TCF4: variants seen among roughly 807,000 people sequenced by gnomAD.
The protein encoded by TCF4 is transcription factor 4.
A neutral mutation model predicts 82.1 loss-of-function variants in TCF4; 3 were observed. That is an observed-to-expected ratio of 0.04 (90% CI 0.02 to 0.09). The LOEUF (loss-of-function observed/expected upper bound fraction) is 0.09. Among genes scored for constraint, TCF4 ranks in the 10% least tolerant of loss-of-function variants. The probability of loss-of-function intolerance (pLI) is 1.00; values close to 1 mark genes in which losing one functional copy is unlikely to be tolerated. For synonymous variants in TCF4, 276 were observed against 309.6 expected (o/e 0.89, Z 1.14); for missense variants, 518 against 852.7 (o/e 0.61, Z 4.89).
chr18:55,419,370 G>T (rs919575775), intron 5 of TCF4, among the ~76,000 whole-genome samples: 1 of 151,812 alleles, frequency 6.6e-6, no homozygotes, highest in Non-Finnish European at 1.5e-5. Flanking sequence ...AAAGAATGAC[G>T]TTAGAGGTAT....
intron 6 of TCF4, among the ~76,000 whole-genome samples, chr18:55,368,131 A>T (rs1364016172): frequency 6.6e-6 from 1 of 152,234 alleles, no homozygotes; most frequent in African/African-American, 2.4e-5. Context: ...CATGCCTGTA[A>T]TCCCAGCACT....
chr18:55,295,401 ACCTT>A (rs1349164751), intron 8 of TCF4, among the ~76,000 whole-genome samples: 18 of 152,122 alleles, frequency 1.2e-4, no homozygotes, highest in Non-Finnish European at 2.4e-4. Flanking sequence ...CCACTTCTTT[ACCTT>A]CCTTCCACAC....
intron 15 of TCF4, among the ~76,000 whole-genome samples, chr18:55,247,644 G>T (rs1432708793): frequency 2.6e-5 from 4 of 152,184 alleles, no homozygotes; most frequent in Non-Finnish European, 5.9e-5. Flanking sequence ...ACACTAAAAG[G>T]TTCTTGTGGA....
At chr18:55,486,197 G>A (rs948104973) in intron 3 of TCF4, among the ~76,000 whole-genome samples, 8 of 152,188 alleles carry the variant, frequency 5.3e-5, no homozygotes, top group Non-Finnish European at 1.2e-4. Context: ...AAAGTTTTAA[G>A]TTTAAGCTAC....
intron 6 of TCF4, among the ~76,000 whole-genome samples, chr18:55,362,434 G>GAAGGAAGGAAGGAAGGAAGGA (rs1414185890): frequency 2.0e-4 from 24 of 118,106 alleles, no homozygotes; most frequent in African/African-American, 7.2e-4. Flanking sequence ...AGGAAGGAAG[G>GAAGGAAGGAAGGAAGGAAGGA]AAAAAAAAAA....
intron 16 of TCF4, among the ~76,000 whole-genome samples, chr18:55,233,816 CAAAAA>C (rs34564671): frequency 3.2e-5 from 2 of 62,974 alleles, no homozygotes; most frequent in African/African-American, 4.8e-5. Flanking sequence ...GAGGCTCTGT[CAAAAA>C]AAAAAAAAAA....
chr18:55,290,961 T>C (rs867021687), intron 8 of TCF4, among the ~76,000 whole-genome samples: 8 of 152,334 alleles, frequency 5.3e-5, no homozygotes, highest in South Asian at 2.1e-4. Context: ...CAAAATTCTA[T>C]CATTAGTCAT....
intron 3 of TCF4, among the ~76,000 whole-genome samples, chr18:55,572,692 GAATTC>G (rs1436317879): frequency 6.6e-6 from 1 of 152,140 alleles, no homozygotes; most frequent in East Asian, 1.9e-4. Flanking sequence ...CAGGAGAAGT[GAATTC>G]AATTCAACAG....
intron 8 of TCF4, among the ~76,000 whole-genome samples, chr18:55,324,761 C>A (rs762933996): frequency 3.3e-5 from 5 of 152,088 alleles, no homozygotes; most frequent in Non-Finnish European, 5.9e-5. Context: ...AAGCCACCAT[C>A]CCTCTCTGGT....
intron 1 of TCF4, 145 bp from the exon 2 acceptor site, chr18:55,587,281 C>T (rs2097658220): frequency 2.5e-6 from 1 of 393,700 alleles, no homozygotes; most frequent in South Asian, 1.9e-5. Flanking sequence ...GGATGGGAGA[C>T]TTGTTGTTGG....
At chr18:55,622,324 G>C (rs1363927527) in intron 2 of TCF4, among the ~76,000 whole-genome samples, 4 of 150,602 alleles carry the variant, frequency 2.7e-5, no homozygotes, top group Non-Finnish European at 4.4e-5. Context: ...CTGCCCAACA[G>C]GGTGAAACCC....
intron 2 of TCF4, among the ~76,000 whole-genome samples, chr18:55,623,141 G>T (rs1386544340): frequency 6.6e-6 from 1 of 152,012 alleles, no homozygotes. Context: ...ACTGTCTTTT[G>T]TTTTTTAATA....
At chr18:55,291,289 T>G (rs1359243183) in intron 8 of TCF4, among the ~76,000 whole-genome samples, 1 of 152,214 alleles carries the variant, frequency 6.6e-6, no homozygotes, top group East Asian at 1.9e-4. Context: ...CTTTTCATAT[T>G]TGTTAAAGAT....
chr18:55,370,519 T>C (rs2088786060), intron 6 of TCF4, among the ~76,000 whole-genome samples: 1 of 152,074 alleles, frequency 6.6e-6, no homozygotes, highest in African/African-American at 2.4e-5. Flanking sequence ...AACACTCAAT[T>C]GACTGAACAA....
intron 3 of TCF4, among the ~76,000 whole-genome samples, chr18:55,527,313 G>C (rs1304233427): frequency 6.6e-6 from 1 of 152,194 alleles, no homozygotes; most frequent in Non-Finnish European, 1.5e-5. Context: ...GTGAGCAGAG[G>C]GAGGGACTGT....
At chr18:55,356,478 CCTT>C (rs991267182) in intron 6 of TCF4, among the ~76,000 whole-genome samples, 4 of 152,060 alleles carry the variant, frequency 2.6e-5, no homozygotes, top group African/African-American at 9.7e-5. Flanking sequence ...TTCAGTGGCT[CCTT>C]TAATTTTGCT....
intron 6 of TCF4, among the ~76,000 whole-genome samples, chr18:55,377,467 T>C (rs1029224378): frequency 6.6e-6 from 1 of 152,210 alleles, no homozygotes; most frequent in Non-Finnish European, 1.5e-5. Flanking sequence ...TATCCTGTTA[T>C]TATCAGGAAA....
At position 55,297,895 on chromosome 18, in the gene TCF4, T is replaced by A. The variant is rs114806100; in HGVS notation, c.550-18239A>T. Among the ~76,000 whole-genome samples, 220 of 152,318 alleles carry A rather than the reference T, an allele frequency of 1.4e-3. 3 individuals are homozygous for A. Among genetic ancestry groups the A allele is most frequent in the African/African-American group, 4.8e-3 (199 of 41,584 alleles). On this transcript the variant is annotated intron_variant, in intron 8 of 19. Coordinates refer to ENST00000354452, the MANE Select transcript of TCF4 (RefSeq NM_001083962.2). ...TTAAAAAATAAGGTTTAAGACACTA[T>A]ATATTACATGTAGGAGGGCTTTTAT...
At chr18:55,538,624 G>A (rs554799328) in intron 3 of TCF4, among the ~76,000 whole-genome samples, 1 of 152,256 alleles carries the variant, frequency 6.6e-6, no homozygotes, top group African/African-American at 2.4e-5. Flanking sequence ...GACTTTTAGT[G>A]TTGGTCATCC....
Sources: allele counts gnomAD v4.1 joint callset (sites outside exome capture counted in the v4.1 genomes callset), GRCh38; gene constraint gnomAD v4.1.1; transcripts MANE v1.5; gene names NCBI Gene and HGNC (gene_info 2026-07-23, HGNC 2026-07-21).